The following AQP9 variants were observed in gnomAD, a reference collection of about 807,000 sequenced individuals.
The protein encoded by AQP9 is aquaporin 9.
Under a neutral mutation model 23.8 loss-of-function variants are expected in AQP9, and 19 were observed. That is an observed-to-expected ratio of 0.80 (90% CI 0.56 to 1.17). The LOEUF (loss-of-function observed/expected upper bound fraction) is 1.17. Ranked by LOEUF, AQP9 falls within the 50% of genes most tolerant of loss-of-function variation. AQP9 has a pLI of 0.00. For synonymous variants in AQP9, 153 were observed against 131.5 expected (o/e 1.16, Z -1.12); for missense variants, 413 against 362.0 (o/e 1.14, Z -1.14).
At chr15:58,173,275 AG>A (rs1898665256) in intron 3 of AQP9, 70 bp downstream of exon 3, 9 of 1,594,748 alleles carry the variant, frequency 5.6e-6, no homozygotes, top group Non-Finnish European at 7.7e-6. Flanking sequence ...ATTACTTGGT[AG>A]GCACAGGCGA....
intron 4 of AQP9, among the ~76,000 whole-genome samples, chr15:58,175,761 G>T (rs1437320109): frequency 6.6e-6 from 1 of 152,200 alleles, no homozygotes; most frequent in Non-Finnish European, 1.5e-5. Flanking sequence ...GAATGGGCAT[G>T]TGTATAAAAT....
At chr15:58,142,264 G>A (rs2063902) in intron 1 of AQP9, among the ~76,000 whole-genome samples, 3,210 of 152,332 alleles carry the variant, frequency 0.021, 59 homozygotes, top group African/African-American at 0.046. Context: ...CAGATGGAGA[G>A]ACAAGTGTAA....
intron 5 of AQP9, 147 bp from the exon 6 acceptor site, chr15:58,183,814 C>A (rs1434119498): frequency 2.6e-6 from 2 of 779,000 alleles, no homozygotes; most frequent in African/African-American, 3.5e-5. Context: ...AGTTGCCATG[C>A]TGCACTGAGC....
Position 58,185,049 on chromosome 15 carries a change from T to A in AQP9, c.*914T>A, listed in dbSNP as rs1480091526. Reference sequence around the variant, plus strand: ...GCCAAAACTGAAAGCCACTGGATCCTGGTCTAGCTGAATCTTCAGAGTGGG... The same window carrying A: ...GCCAAAACTGAAAGCCACTGGATCCAGGTCTAGCTGAATCTTCAGAGTGGG... On this transcript the variant is annotated 3_prime_UTR_variant, in exon 6 of 6. Coordinates refer to ENST00000219919, the MANE Select transcript of AQP9 (RefSeq NM_020980.5). 1 of 152,226 alleles carries A rather than the reference T, an allele frequency of 6.6e-6. No individual in the cohort carries two copies. The highest frequency in any genetic ancestry group is 1.5e-5 in the Non-Finnish European group (1 of 68,038). 9.4% of individuals were successfully genotyped at this position (152,226 alleles called of 1,614,324 possible). A position where few individuals can be genotyped will look rare whatever the true frequency, so the allele number is the denominator to read the frequency against.
At chr15:58,181,406 G>A (rs1225943863) in intron 5 of AQP9, among the ~76,000 whole-genome samples, 3 of 152,184 alleles carry the variant, frequency 2.0e-5, no homozygotes, top group African/African-American at 7.2e-5. Context: ...CCATTAAAGA[G>A]ATTTGACTAA....
rs780919780 is a variant in AQP9, at chr15:58,166,717, A to G, written c.156A>G (p.Gly52=). ...GCVAQAILSR[G]RFGGVITINV... Reference sequence around the variant, plus strand: ...TTGCCCAAGCTATTCTCAGTCGAGGACGTTTTGGAGGGGTCATCACTATCA... The same window carrying G: ...TTGCCCAAGCTATTCTCAGTCGAGGGCGTTTTGGAGGGGTCATCACTATCA... The change falls in exon 2 of 6, where the codon GGA becomes GGG. Residue 52 remains glycine (G), a synonymous_variant. Coordinates refer to ENST00000219919, the MANE Select transcript of AQP9 (RefSeq NM_020980.5). The G allele has an allele frequency of 6.2e-7, 1 of 1,613,650 alleles. No individual in the cohort carries two copies. Among genetic ancestry groups the G allele is most frequent in the Non-Finnish European group, 8.5e-7 (1 of 1,179,766 alleles).
intron 1 of AQP9, among the ~76,000 whole-genome samples, chr15:58,140,987 A>G (rs1447631119): frequency 6.6e-6 from 1 of 152,224 alleles, no homozygotes; most frequent in East Asian, 1.9e-4. Flanking sequence ...TTAAGAGAAA[A>G]GAAGGTCCAT....
rs1251853048 is a variant in AQP9, at chr15:58,148,984, G to A, written c.111+10308G>A. On this transcript the variant is annotated intron_variant, in intron 1 of 5. Coordinates refer to ENST00000219919, the MANE Select transcript of AQP9 (RefSeq NM_020980.5). ...TTGACCTCTTCCTGATATTCTGTCA[G>A]GCTGCATGCCACCACATATTTTATT... Among the ~76,000 whole-genome samples, 6 of 152,264 alleles carry A rather than the reference G, an allele frequency of 3.9e-5. No homozygotes were observed. In the East Asian group the frequency reaches 1.2e-3, roughly 29 times the overall value.
rs1566992726 is a variant in AQP9 at position 58,183,942 on chromosome 15, A to G, written c.714-19A>G. The G allele has an allele frequency of 6.2e-7, 1 of 1,613,162 alleles. No homozygotes were observed. The highest frequency in any genetic ancestry group is 8.5e-7 in the Non-Finnish European group (1 of 1,179,374). Reference sequence around the variant, plus strand: ...AGGAAGGCCAAGAAATGTATCACTAATTTCTTGTTTGATTTCAGAGCTGGA... The same window carrying G: ...AGGAAGGCCAAGAAATGTATCACTAGTTTCTTGTTTGATTTCAGAGCTGGA... On this transcript the variant is annotated intron_variant, in intron 5 of 5. Transcript: ENST00000219919.
intron 1 of AQP9, among the ~76,000 whole-genome samples, chr15:58,141,376 A>G (rs1595724555): frequency 6.6e-6 from 1 of 152,350 alleles, no homozygotes; most frequent in Non-Finnish European, 1.5e-5. Flanking sequence ...TTTTGAGTAG[A>G]TAACATACTG....
intron 1 of AQP9, among the ~76,000 whole-genome samples, chr15:58,143,817 T>C (rs1897992198): frequency 6.6e-6 from 1 of 152,210 alleles, no homozygotes; most frequent in Non-Finnish European, 1.5e-5. Context: ...ACATGTCTCC[T>C]TGTACACATG....
intron 4 of AQP9, 42 bp downstream of exon 4, chr15:58,175,078 TATGCTCTCATAAGGGGA>T (rs1336585349): frequency 6.6e-7 from 1 of 1,503,924 alleles, no homozygotes; most frequent in East Asian, 2.3e-5. Context: ...GGTGAAAAGA[TATGCTCTCATAAGGGGA>T]ATGCATTGGA....
intron 1 of AQP9, among the ~76,000 whole-genome samples, chr15:58,163,241 TG>T (rs547556077): frequency 4.6e-5 from 7 of 152,306 alleles, no homozygotes; most frequent in African/African-American, 1.7e-4. Flanking sequence ...ATCTCCTATA[TG>T]GTTTTGTGAC....
intron 1 of AQP9, among the ~76,000 whole-genome samples, chr15:58,162,948 G>T (rs1307685596): frequency 1.3e-5 from 2 of 152,148 alleles, no homozygotes; most frequent in African/African-American, 4.8e-5. Context: ...TAAGTTTGGG[G>T]GTGGTGAATT....
At chr15:58,164,883 T>C (rs1247491756) in intron 1 of AQP9, among the ~76,000 whole-genome samples, 2 of 152,170 alleles carry the variant, frequency 1.3e-5, no homozygotes, top group African/African-American at 2.4e-5. Flanking sequence ...AATAAAAAAA[T>C]TGTCTTTGTG....
intron 4 of AQP9, among the ~76,000 whole-genome samples, chr15:58,177,248 T>C (rs4775017): frequency 0.88 from 134,133 of 152,206 alleles, 59,695 homozygotes; most frequent in Non-Finnish European, 0.95. Flanking sequence ...ATCATTTATT[T>C]ACCCAATAAC....
rs1256932012 is a variant in AQP9, at chr15:58,185,674, C to T, written c.*1539C>T. 1 of 152,100 alleles carries T rather than the reference C, an allele frequency of 6.6e-6. No individual in the cohort carries two copies. Among genetic ancestry groups the T allele is most frequent in the Non-Finnish European group, 1.5e-5 (1 of 68,036 alleles). 9.4% of individuals were successfully genotyped at this position (152,100 alleles called of 1,614,324 possible). A position where few individuals can be genotyped will look rare whatever the true frequency, so the allele number is the denominator to read the frequency against. On this transcript the variant is annotated 3_prime_UTR_variant, in exon 6 of 6. Transcript: ENST00000219919. ...AAAGATCGCCTATGAGTTACAAGCACCAGGGGATGCTCTACATCAAGGGAT... is the reference window on the plus strand; with the variant it reads ...AAAGATCGCCTATGAGTTACAAGCATCAGGGGATGCTCTACATCAAGGGAT...
intron 5 of AQP9, 64 bp from the exon 6 acceptor site, chr15:58,183,897 A>AC: frequency 6.4e-7 from 1 of 1,563,210 alleles, no homozygotes; most frequent in Non-Finnish European, 8.8e-7. Flanking sequence ...GTGAGTGAAA[A>AC]ACTAGACAGT....
At chr15:58,149,053 G>A (rs1898100847) in intron 1 of AQP9, among the ~76,000 whole-genome samples, 1 of 152,178 alleles carries the variant, frequency 6.6e-6, no homozygotes, top group Non-Finnish European at 1.5e-5. Flanking sequence ...CTTTGTGACT[G>A]TTTTTGTTAT....
Sources: gnomAD v4.1 joint callset for allele counts (sites outside exome capture counted in the v4.1 genomes callset) on GRCh38, gnomAD v4.1.1 for gene constraint, MANE v1.5 for transcripts, NCBI Gene and HGNC (gene_info 2026-07-23, HGNC 2026-07-21) for gene names.